The following CYP2B6 variants were observed in gnomAD, a reference collection of about 807,000 sequenced individuals.
CYP2B6 encodes the protein cytochrome P450 family 2 subfamily B member 6, also known as cytochrome P450 2B6.
Under a neutral mutation model 43.4 loss-of-function variants are expected in CYP2B6, and 35 were observed. The observed-to-expected ratio is 0.81, with a 90% confidence interval of 0.62 to 1.07. The LOEUF is 1.07. Ranked by LOEUF, CYP2B6 falls within the 50% of genes least tolerant of loss-of-function variation. The pLI, the probability that CYP2B6 is intolerant of heterozygous loss-of-function variation, is 0.00. For missense variants in CYP2B6, 624 were observed against 632.8 expected (o/e 0.99, Z 0.15); for synonymous variants, 239 against 239.2 (o/e 1.00, Z 0.01).
chr19:41,009,933 T>C (rs1220223160), intron 5 of CYP2B6, 61 bp from the exon 6 acceptor site: 1 of 1,607,952 alleles, frequency 6.2e-7, no homozygotes, highest in East Asian at 2.2e-5. Context: ...GAGATGGGCG[T>C]ATACACAGCA....
intron 1 of CYP2B6, among the ~76,000 whole-genome samples, chr19:40,998,904 TA>T (rs756041320): frequency 0.015 from 1,764 of 119,480 alleles, 30 homozygotes; most frequent in Non-Finnish European, 0.023. Context: ...TGTGTCTTTA[TA>T]GCAGCATGAT....
intron 8 of CYP2B6, among the ~76,000 whole-genome samples, chr19:41,015,999 T>TACACACACACACACACACACAC (rs113314890): frequency 2.0e-5 from 3 of 149,804 alleles, no homozygotes; most frequent in African/African-American, 7.4e-5. Context: ...CATGTACAGG[T>TACACACACACACACACACACAC]ACACACACAC....
At chr19:41,001,935 T>C (rs537565915) in intron 1 of CYP2B6, among the ~76,000 whole-genome samples, 205 of 86,616 alleles carry the variant, frequency 2.4e-3, no homozygotes, top group African/African-American at 0.012. Flanking sequence ...AGGGGAAGAC[T>C]GTCTTGTTTT....
chr19:41,002,395 G>T (rs945355538), intron 1 of CYP2B6, among the ~76,000 whole-genome samples: 1 of 152,070 alleles, frequency 6.6e-6, no homozygotes, highest in African/African-American at 2.4e-5. Context: ...ACAGCTCAAT[G>T]AATTTTCACA....
At chr19:40,999,819 G>T (rs1387091357) in intron 1 of CYP2B6, among the ~76,000 whole-genome samples, 2 of 152,032 alleles carry the variant, frequency 1.3e-5, no homozygotes, top group Non-Finnish European at 2.9e-5. Flanking sequence ...CTCCAGAGTA[G>T]CTGGGACTAA....
At chr19:41,015,694 G>T (rs971480343) in intron 8 of CYP2B6, among the ~76,000 whole-genome samples, 1 of 151,988 alleles carries the variant, frequency 6.6e-6, no homozygotes, top group African/African-American at 2.4e-5. Context: ...ATACAATTGG[G>T]CTTTTCCCCC....
chr19:41,001,981 A>G (rs1205855392), intron 1 of CYP2B6, among the ~76,000 whole-genome samples: 1 of 151,850 alleles, frequency 6.6e-6, no homozygotes, highest in Non-Finnish European at 1.5e-5. Context: ...ATTCAGGTGG[A>G]AGGCACTAGA....
chr19:41,010,426 T>C (rs1969264878), intron 6 of CYP2B6, among the ~76,000 whole-genome samples: 1 of 151,092 alleles, frequency 6.6e-6, no homozygotes, highest in South Asian at 2.1e-4. Context: ...TTTTTTTGTC[T>C]TTTTTGAGAC....
rs114325615 is a variant in CYP2B6, at chr19:41,004,527, G to A, written c.484+81G>A. 2.5e-4 allele frequency: 382 copies of A among 1,504,214 alleles called. 1 individual carries two copies. In the African/African-American group the frequency reaches 4.7e-3, roughly 18 times the overall value. 93.2% of individuals were successfully genotyped at this position (1,504,214 alleles called of 1,614,324 possible). On this transcript the variant is annotated intron_variant, in intron 3 of 8. Coordinates refer to ENST00000324071, the MANE Select transcript of CYP2B6 (RefSeq NM_000767.5). ...GTGCACGGGAATAGAAAGACAGAGA[G>A]GTATATAAGGGCACAGACAGAGACA...
At chr19:40,996,670 T>C (rs1969003973) in intron 1 of CYP2B6, among the ~76,000 whole-genome samples, 1 of 152,188 alleles carries the variant, frequency 6.6e-6, no homozygotes, top group Non-Finnish European at 1.5e-5. Flanking sequence ...GATCATTTTC[T>C]CTCTTCTATG....
In CYP2B6 at chr19:41,004,466, T is replaced by C; in HGVS notation, c.484+20T>C. 6.2e-7 allele frequency: 1 copy of C among 1,611,808 alleles called. No individual in the cohort carries two copies. Among genetic ancestry groups the C allele is most frequent in the Non-Finnish European group, 8.5e-7 (1 of 1,179,274 alleles). ...CCAAGGGTGAGTCCTGGGGGATGAA[T>C]AGGAAAGAAAGACAATGAAACACTG... On this transcript the variant is annotated intron_variant, in intron 3 of 8. Transcript: ENST00000324071.
chr19:41,003,899 G>A (rs143532495), intron 1 of CYP2B6, 102 bp from the exon 2 acceptor site: 268 of 1,508,796 alleles, frequency 1.8e-4, no homozygotes, highest in Middle Eastern at 6.9e-4. Context: ...GCGGATGTTG[G>A]GGAGGGGCTA....
At chr19:40,999,376 G>A in intron 1 of CYP2B6, among the ~76,000 whole-genome samples, 1 of 151,818 alleles carries the variant, frequency 6.6e-6, no homozygotes, top group East Asian at 1.9e-4. Context: ...TAGGTTGCCT[G>A]TTCACTCTGA....
At chr19:40,993,155 T>C (rs914635479) in intron 1 of CYP2B6, among the ~76,000 whole-genome samples, 3 of 152,164 alleles carry the variant, frequency 2.0e-5, no homozygotes, top group Non-Finnish European at 4.4e-5. Context: ...ACTTGATTTA[T>C]AGAGACATTC....
intron 1 of CYP2B6, among the ~76,000 whole-genome samples, chr19:40,996,872 G>T (rs1291150219): frequency 1.3e-5 from 2 of 152,064 alleles, no homozygotes; most frequent in Non-Finnish European, 2.9e-5. Flanking sequence ...TATTAAATAG[G>T]TTATCATAGG....
At position 41,016,944 on chromosome 19, in the gene CYP2B6, C is replaced by A; in HGVS notation, c.*117C>A. On this transcript the variant is annotated 3_prime_UTR_variant, in exon 9 of 9. Coordinates refer to ENST00000324071, the MANE Select transcript of CYP2B6 (RefSeq NM_000767.5). ...CTCTGAGAGACCTGCTACAAGCCAG[C>A]TTCCTTCCCCTCCATGGCACCAGTT... 9.5e-7 allele frequency: 1 copy of A among 1,054,246 alleles called. No individual in the cohort carries two copies. Among genetic ancestry groups the A allele is most frequent in the Non-Finnish European group, 1.4e-6 (1 of 726,296 alleles). 65.3% of individuals were successfully genotyped at this position (1,054,246 alleles called of 1,614,324 possible).
chr19:41,017,035 T>C lies in CYP2B6; in HGVS notation c.*208T>C. ...TCGAAAATTATAATATACAAAATCA[T>C]ATATATATATATGTTCTTGTTTTTT... On this transcript the variant is annotated 3_prime_UTR_variant, in exon 9 of 9. Coordinates refer to ENST00000324071, the MANE Select transcript of CYP2B6 (RefSeq NM_000767.5). 1 of 396,188 alleles carries C rather than the reference T, an allele frequency of 2.5e-6. No homozygotes were observed. The highest frequency in any genetic ancestry group is 4.7e-6 in the Non-Finnish European group (1 of 213,730). The allele number at this position is 396,188 out of a possible 1,614,324, so 24.5% of individuals were successfully genotyped here. A position where few individuals can be genotyped will look rare whatever the true frequency, so the allele number is the denominator to read the frequency against.
chr19:41,013,234 A>G (rs997307163), intron 8 of CYP2B6, among the ~76,000 whole-genome samples: 1 of 152,200 alleles, frequency 6.6e-6, no homozygotes, highest in African/African-American at 2.4e-5. Context: ...TAAAATAATC[A>G]TCTCATGAAA....
intron 1 of CYP2B6, among the ~76,000 whole-genome samples, chr19:41,002,027 GA>G (rs1969098756): frequency 1.3e-5 from 2 of 152,058 alleles, no homozygotes; most frequent in African/African-American, 4.8e-5. Flanking sequence ...CCTGAAACAG[GA>G]AAAATGTCAG....
Sources: allele counts gnomAD v4.1 joint callset (sites outside exome capture counted in the v4.1 genomes callset), GRCh38; gene constraint gnomAD v4.1.1; transcripts MANE v1.5; gene names NCBI Gene and HGNC (gene_info 2026-07-23, HGNC 2026-07-21).